Variants in BRINP1 observed in about 807,000 individuals in gnomAD.
The protein encoded by BRINP1 is BMP/retinoic acid inducible neural specific 1, also known as BMP/retinoic acid-inducible neural-specific protein 1.
Under a neutral mutation model 72.9 loss-of-function variants are expected in BRINP1, and 17 were observed. The observed-to-expected ratio is 0.23, with a 90% CI of 0.16 to 0.35. BRINP1 has a LOEUF of 0.35. BRINP1 is among the 10% of genes least tolerant of loss of function. The pLI, the probability that BRINP1 is intolerant of heterozygous loss-of-function variation, is 1.00. For synonymous variants in BRINP1, 418 were observed against 378.5 expected (o/e 1.10, Z -1.21); for missense variants, 850 against 1,001.6 (o/e 0.85, Z 2.04).
chr9:119,210,582 C>A (rs1829912069), intron 6 of BRINP1, among the ~76,000 whole-genome samples: 1 of 152,120 alleles, frequency 6.6e-6, no homozygotes, highest in Non-Finnish European at 1.5e-5. Context: ...ATCCTGTGTT[C>A]TTACTTAGTA....
chr9:119,216,824 C>T (rs1005556072), intron 5 of BRINP1, among the ~76,000 whole-genome samples: 3 of 152,054 alleles, frequency 2.0e-5, no homozygotes, highest in African/African-American at 7.2e-5. Context: ...ATCATTTTTC[C>T]ATTTGGCAAG....
intron 2 of BRINP1, among the ~76,000 whole-genome samples, chr9:119,264,135 G>A (rs189085533): frequency 1.1e-4 from 16 of 152,254 alleles, no homozygotes; most frequent in Admixed American, 1.3e-4. Context: ...TGTTTCATGC[G>A]TAGGCAGAGG....
At chr9:119,189,636 A>C (rs1200775022) in intron 7 of BRINP1, among the ~76,000 whole-genome samples, 1 of 152,156 alleles carries the variant, frequency 6.6e-6, no homozygotes, top group Non-Finnish European at 1.5e-5. Flanking sequence ...ATAAATATAC[A>C]TATGCACCCA....
chr9:119,281,063 G>C (rs1034025549), intron 2 of BRINP1, among the ~76,000 whole-genome samples: 1 of 152,102 alleles, frequency 6.6e-6, no homozygotes. Context: ...CAGGGTTTTA[G>C]GCTGGATGGT....
intron 2 of BRINP1, among the ~76,000 whole-genome samples, chr9:119,294,460 G>A (rs1830853221): frequency 6.6e-6 from 1 of 151,926 alleles, no homozygotes; most frequent in Non-Finnish European, 1.5e-5. Context: ...CTGGAGTTGG[G>A]GGTTGCAGTG....
chr9:119,332,870 G>A (rs1831313079), intron 1 of BRINP1, among the ~76,000 whole-genome samples: 1 of 152,102 alleles, frequency 6.6e-6, no homozygotes, highest in Non-Finnish European at 1.5e-5. Flanking sequence ...GTGAGGTGGT[G>A]GGAAGAGAGA....
In BRINP1 at chr9:119,168,209, C is replaced by G. The variant is rs1056807483; in HGVS notation, c.1161G>C (p.Trp387Cys). ...QLPRERTIQQ[W>C]LARVQSLLYC... ...AGAGGAGTGACTGGACCCTTGCAAG[C>G]CACTGCTGAATTGTCCTGGGAGATA... is the stretch of plus-strand genomic sequence containing the variant. The change falls in exon 8 of 8, where the codon TGG becomes TGC. Residue 387 changes from tryptophan to cysteine, a missense_variant. Coordinates refer to ENST00000265922, the MANE Select transcript of BRINP1 (RefSeq NM_014618.3). 1.3e-6 allele frequency: 2 copies of G among 1,517,750 alleles called. No homozygotes were observed. The highest frequency in any genetic ancestry group is 2.8e-5 in the African/African-American group (2 of 72,032). The allele number at this position is 1,517,750 out of a possible 1,614,324, so 94.0% of individuals were successfully genotyped here.
At chr9:119,276,089 C>T (rs1329167558) in intron 2 of BRINP1, among the ~76,000 whole-genome samples, 1 of 152,004 alleles carries the variant, frequency 6.6e-6, no homozygotes, top group East Asian at 1.9e-4. Context: ...CTCTTTCATG[C>T]TTTTATCCCT....
chr9:119,232,973 C>T (rs1830161474), intron 5 of BRINP1, among the ~76,000 whole-genome samples: 1 of 151,632 alleles, frequency 6.6e-6, no homozygotes, highest in Non-Finnish European at 1.5e-5. Flanking sequence ...TCTGATCATT[C>T]TCATGATGCT....
At chr9:119,362,070 G>A (rs1454983996) in intron 1 of BRINP1, among the ~76,000 whole-genome samples, 8 of 16,446 alleles carry the variant, frequency 4.9e-4, no homozygotes, top group Non-Finnish European at 6.8e-4. Context: ...CAACCCCTCC[G>A]CCCTCCCAAA....
chr9:119,171,005 C>CGGT (rs1395551154), intron 7 of BRINP1, among the ~76,000 whole-genome samples: 3 of 143,844 alleles, frequency 2.1e-5, no homozygotes, highest in African/African-American at 8.5e-5. Flanking sequence ...AAGGAACAAC[C>CGGT]GGTACCAGCC....
intron 5 of BRINP1, among the ~76,000 whole-genome samples, chr9:119,215,413 T>G (rs1216739065): frequency 6.6e-6 from 1 of 152,182 alleles, no homozygotes; most frequent in African/African-American, 2.4e-5. Context: ...CACTTTCGCT[T>G]AGGACATTTC....
intron 2 of BRINP1, among the ~76,000 whole-genome samples, chr9:119,251,529 A>G (rs1830387451): frequency 1.3e-5 from 2 of 152,124 alleles, no homozygotes; most frequent in South Asian, 4.1e-4. Context: ...GATCACTTGA[A>G]CTCAGGAGTT....
At chr9:119,311,714 C>T (rs1338908831) in intron 2 of BRINP1, among the ~76,000 whole-genome samples, 1 of 152,208 alleles carries the variant, frequency 6.6e-6, no homozygotes, top group Non-Finnish European at 1.5e-5. Context: ...CCCCCATCCT[C>T]ATTGGCAACC....
intron 5 of BRINP1, among the ~76,000 whole-genome samples, chr9:119,230,628 G>A (rs1830139882): frequency 6.6e-6 from 1 of 151,884 alleles, no homozygotes. Context: ...TGAGTGATAG[G>A]AAATCTTCTA....
intron 2 of BRINP1, among the ~76,000 whole-genome samples, chr9:119,299,963 T>C (rs574098709): frequency 6.6e-6 from 1 of 152,316 alleles, no homozygotes; most frequent in South Asian, 2.1e-4. Flanking sequence ...TTAATCACAT[T>C]CTTCTAAAAT....
At position 119,167,561 on chromosome 9, in the gene BRINP1, C is replaced by T; in HGVS notation, c.1809G>A (p.Leu603=). Residue 603 remains leucine (L), a synonymous_variant, in exon 8 of 8, where the codon TTG becomes TTA. Coordinates refer to ENST00000265922, the MANE Select transcript of BRINP1 (RefSeq NM_014618.3). The surrounding 1 kb of genome is among the most constrained non-coding windows in gnomAD (Gnocchi z 4.3). ...QNSQCYNWTL[L]LGNRWKTFFE... Reference sequence around the variant, plus strand: ...AAAATGTTTTCCACCGATTGCCCAGCAAAAGAGTCCAGTTGTAGCACTGGC... The same window carrying T: ...AAAATGTTTTCCACCGATTGCCCAGTAAAAGAGTCCAGTTGTAGCACTGGC... 1 of 1,614,154 alleles carries T rather than the reference C, an allele frequency of 6.2e-7. No homozygotes were observed. Among genetic ancestry groups the T allele is most frequent in the Non-Finnish European group, 8.5e-7 (1 of 1,180,024 alleles).
chr9:119,355,931 C>CT (rs990146330), intron 1 of BRINP1, among the ~76,000 whole-genome samples: 5 of 151,530 alleles, frequency 3.3e-5, no homozygotes, highest in South Asian at 2.1e-4. Flanking sequence ...GAAGGGGACA[C>CT]TTTTTTTTTC....
intron 5 of BRINP1, among the ~76,000 whole-genome samples, chr9:119,232,143 C>G (rs1830153931): frequency 6.6e-6 from 1 of 152,162 alleles, no homozygotes; most frequent in Non-Finnish European, 1.5e-5. Context: ...TCAGGCAAAA[C>G]TTTGGGGTCA....
Sources: allele counts gnomAD v4.1 joint callset (sites outside exome capture counted in the v4.1 genomes callset), GRCh38; gene constraint gnomAD v4.1.1; non-coding constraint Gnocchi (gnomAD v3.1); transcripts MANE v1.5; gene names NCBI Gene and HGNC (gene_info 2026-07-23, HGNC 2026-07-21).